Variants in ATP8B4 observed in about 807,000 individuals in gnomAD.
ATP8B4 encodes probable phospholipid-transporting ATPase IM.
Under a neutral mutation model 145.6 loss-of-function variants are expected in ATP8B4, and 133 were observed. The observed-to-expected ratio is 0.91, with a 90% confidence interval of 0.79 to 1.05. The LOEUF (loss-of-function observed/expected upper bound fraction) is 1.05. Among genes scored for constraint, ATP8B4 ranks in the 50% least tolerant of loss-of-function variants. The pLI is 0.00. For missense variants in ATP8B4, 1,458 were observed against 1,425.2 expected (o/e 1.02, Z -0.37); for synonymous variants, 507 against 492.9 (o/e 1.03, Z -0.38).
chr15:49,862,492 C>G (rs2032019083), intron 26 of ATP8B4, 117 bp from the exon 27 acceptor site: 1 of 1,202,390 alleles, frequency 8.3e-7, no homozygotes, highest in Non-Finnish European at 1.1e-6. Flanking sequence ...CTTGCTCTGT[C>G]TTCCAGGCTG....
chr15:49,875,785 A>T (rs1406145009), intron 25 of ATP8B4, among the ~76,000 whole-genome samples: 1 of 152,210 alleles, frequency 6.6e-6, no homozygotes, highest in African/African-American at 2.4e-5. Context: ...ACCTCAAAAA[A>T]TCATCCCCAC....
At chr15:49,882,838 G>A (rs1302696392) in intron 23 of ATP8B4, among the ~76,000 whole-genome samples, 2 of 152,216 alleles carry the variant, frequency 1.3e-5, no homozygotes, top group African/African-American at 4.8e-5. Flanking sequence ...TATATTTCTT[G>A]CACTGGATCA....
intron 14 of ATP8B4, among the ~76,000 whole-genome samples, chr15:49,940,868 T>C (rs1448208612): frequency 6.6e-6 from 1 of 152,220 alleles, no homozygotes. Context: ...ATTTAGATTT[T>C]TGACTTGTTC....
chr15:50,021,519 T>C (rs979232516), intron 6 of ATP8B4, among the ~76,000 whole-genome samples: 1 of 152,148 alleles, frequency 6.6e-6, no homozygotes, highest in Non-Finnish European at 1.5e-5. Context: ...GCTTTTATAC[T>C]TGTTGTTTCT....
intron 13 of ATP8B4, among the ~76,000 whole-genome samples, chr15:49,970,750 T>C (rs939244886): frequency 1.3e-5 from 2 of 152,120 alleles, no homozygotes; most frequent in Non-Finnish European, 2.9e-5. Flanking sequence ...TTGACTTTCT[T>C]CACAGAATTA....
intron 2 of ATP8B4, among the ~76,000 whole-genome samples, chr15:50,081,241 G>C (rs1318828564): frequency 1.3e-5 from 2 of 152,076 alleles, no homozygotes; most frequent in Non-Finnish European, 2.9e-5. Flanking sequence ...CTTACTTATG[G>C]TTTCTCAGTA....
intron 14 of ATP8B4, among the ~76,000 whole-genome samples, chr15:49,943,654 T>C (rs951801076): frequency 1.8e-4 from 27 of 152,192 alleles, no homozygotes; most frequent in Non-Finnish European, 2.9e-4. Context: ...AGATAAAGAC[T>C]TTCTCAGAGA....
chr15:50,176,616 T>C (rs2044766643), intron 1 of ATP8B4, among the ~76,000 whole-genome samples: 1 of 152,070 alleles, frequency 6.6e-6, no homozygotes, highest in South Asian at 2.1e-4. Context: ...AGTATGTGTG[T>C]TGCAGTGGGA....
At chr15:49,860,572 G>T in intron 27 of ATP8B4, 97 bp from the exon 28 acceptor site, 1 of 1,364,132 alleles carries the variant, frequency 7.3e-7, no homozygotes, top group Non-Finnish European at 9.8e-7. Flanking sequence ...TTTTTTATAA[G>T]TAAAAACAAC....
chr15:50,101,160 A>G (rs537156485), intron 2 of ATP8B4, among the ~76,000 whole-genome samples: 2 of 152,304 alleles, frequency 1.3e-5, no homozygotes, highest in Admixed American at 6.5e-5. Flanking sequence ...CCAAGAGATG[A>G]GATGTACTGG....
At chr15:49,978,202 T>A (rs1412665077) in intron 12 of ATP8B4, among the ~76,000 whole-genome samples, 1 of 152,222 alleles carries the variant, frequency 6.6e-6, no homozygotes, top group Non-Finnish European at 1.5e-5. Flanking sequence ...TATGCACATT[T>A]ATTATTCATT....
chr15:49,977,165 G>A (rs1334086685), intron 12 of ATP8B4, among the ~76,000 whole-genome samples: 4 of 152,046 alleles, frequency 2.6e-5, no homozygotes, highest in African/African-American at 7.2e-5. Flanking sequence ...AGTGATATAT[G>A]GCACTAATTT....
intron 1 of ATP8B4, among the ~76,000 whole-genome samples, chr15:50,163,664 G>A (rs1460718137): frequency 6.6e-6 from 1 of 152,152 alleles, no homozygotes; most frequent in Non-Finnish European, 1.5e-5. Context: ...AGGCTGAAGG[G>A]CTCTACAATC....
At chr15:50,019,004 A>G (rs749302567) in intron 6 of ATP8B4, 1 of 1,082,686 alleles carries the variant, frequency 9.2e-7, no homozygotes. Flanking sequence ...ACAAAGTTCG[A>G]GTCAATGTAA....
At chr15:49,962,606 A>G (rs2044180897) in intron 13 of ATP8B4, among the ~76,000 whole-genome samples, 1 of 152,240 alleles carries the variant, frequency 6.6e-6, no homozygotes, top group East Asian at 1.9e-4. Context: ...AAAATAAGGG[A>G]CATTTACAAT....
chr15:50,085,805 A>G (rs1345653215), intron 2 of ATP8B4, among the ~76,000 whole-genome samples: 1 of 139,876 alleles, frequency 7.1e-6, no homozygotes, highest in Non-Finnish European at 1.5e-5. Context: ...TTTATTACGT[A>G]TTTCATTTTA....
intron 6 of ATP8B4, among the ~76,000 whole-genome samples, chr15:50,023,145 G>A (rs2049717710): frequency 6.6e-6 from 1 of 152,102 alleles, no homozygotes; most frequent in Non-Finnish European, 1.5e-5. Flanking sequence ...ACTCCTCCAA[G>A]CCCTCTCTGC....
intron 1 of ATP8B4, among the ~76,000 whole-genome samples, chr15:50,142,669 T>A (rs1269125488): frequency 2.6e-5 from 4 of 152,146 alleles, no homozygotes; most frequent in Non-Finnish European, 5.9e-5. Flanking sequence ...AAGGTAGTAA[T>A]GAAAAGAGGC....
chr15:50,073,856 T>C (rs764991484), intron 3 of ATP8B4, among the ~76,000 whole-genome samples: 1 of 152,176 alleles, frequency 6.6e-6, no homozygotes, highest in Non-Finnish European at 1.5e-5. Context: ...ACCAAATGGG[T>C]ACCAAAATGA....
Sources: allele counts gnomAD v4.1 joint callset (sites outside exome capture counted in the v4.1 genomes callset), GRCh38; gene constraint gnomAD v4.1.1; transcripts MANE v1.5; gene names NCBI Gene and HGNC (gene_info 2026-07-23, HGNC 2026-07-21).